Variants in KCNH4 observed in about 807,000 individuals in gnomAD.
KCNH4 encodes potassium voltage-gated channel subfamily H member 4, also known as voltage-gated delayed rectifier potassium channel KCNH4.
In KCNH4, 33 loss-of-function variants were observed where a neutral mutation model predicts 90.7. The ratio of observed to expected loss-of-function variants is 0.36; its 90% CI spans 0.28 to 0.49. KCNH4 has a LOEUF of 0.49. Among genes scored for constraint, KCNH4 ranks in the 20% least tolerant of loss-of-function variants. The pLI, the probability that KCNH4 is intolerant of heterozygous loss-of-function variation, is 0.98. For missense variants in KCNH4, 1,044 were observed against 1,387.1 expected, an observed-to-expected ratio of 0.75 and a Z score of 3.93; for synonymous variants, 551 against 581.7, an observed-to-expected ratio of 0.95 and a Z score of 0.76.
chr17:42,166,458 G>A lies in KCNH4; in HGVS notation c.1679C>T (p.Ala560Val), dbSNP rs755682232. The A allele has an allele frequency of 3.3e-5, 53 of 1,614,096 alleles. 1 individual carries two copies. The East Asian group carries it at 8.9e-4, about 27-fold the overall frequency. Reference protein sequence around the residue: ...EILQLPLFGAASRGCLRALSL... With the variant: ...EILQLPLFGAVSRGCLRALSL... Reference sequence around the variant, plus strand: ...TAGGGCCCGCAGGCAGCCCCTGCTCGCTGCCCCGAACAACGGCAGCTGCAG... The same window carrying A: ...TAGGGCCCGCAGGCAGCCCCTGCTCACTGCCCCGAACAACGGCAGCTGCAG... The change falls in exon 10 of 17, where the codon GCG becomes GTG. Residue 560 changes from alanine to valine, a missense_variant. Transcript: ENST00000264661.
chr17:42,173,624 C>T (rs2079842116), intron 6 of KCNH4, among the ~76,000 whole-genome samples: 2 of 151,612 alleles, frequency 1.3e-5, no homozygotes, highest in Non-Finnish European at 2.9e-5. Flanking sequence ...CACTCAGGGG[C>T]CCTGGTTACC....
Position 42,163,990 on chromosome 17 carries a change from GA to G in KCNH4, c.2125-33del. Reference sequence around the variant, plus strand: ...GCAGAGGGGGCAGCTGATGTCGCAGGACAGTGAACAACAGACCCCTTCATTA... The same window carrying G: ...GCAGAGGGGGCAGCTGATGTCGCAGGCAGTGAACAACAGACCCCTTCATTA... On this transcript the variant is annotated intron_variant, in intron 12 of 16. Transcript: ENST00000264661. The surrounding 1 kb of genome is among the most constrained non-coding windows in gnomAD (Gnocchi z 5.4). 1 of 1,508,640 alleles carries G rather than the reference GA, an allele frequency of 6.6e-7. No individual in the cohort carries two copies. Among genetic ancestry groups the G allele is most frequent in the Non-Finnish European group, 8.9e-7 (1 of 1,123,600 alleles). The allele number at this position is 1,508,640 out of a possible 1,614,324, so 93.5% of individuals were successfully genotyped here. A position where few individuals can be genotyped will look rare whatever the true frequency, so the allele number is the denominator to read the frequency against.
rs555089824 is a variant in KCNH4 at position 42,171,925 on chromosome 17, C to T, written c.1058G>A (p.Arg353Gln). ...RLLRLLQKLERYSQCSAVVLT... is the reference protein window; with the variant it reads ...RLLRLLQKLEQYSQCSAVVLT... ...CACCACAGCACTGCACTGAGAGTAC[C>T]GCTCCAGCTTCTGCAGCAGCCGCAG... The change falls in exon 7 of 17, where the codon CGG becomes CAG. Residue 353 changes from arginine (R) to glutamine (Q), a missense_variant. Transcript: ENST00000264661. 21 of 1,613,430 alleles carry T rather than the reference C, an allele frequency of 1.3e-5. 1 individual carries two copies. Among genetic ancestry groups the T allele is most frequent in the African/African-American group, 4.0e-5 (3 of 75,016 alleles).
intron 10 of KCNH4, among the ~76,000 whole-genome samples, 169 bp from the exon 11 acceptor site, chr17:42,165,862 G>A (rs1385409452): frequency 2.0e-5 from 3 of 152,200 alleles, no homozygotes; most frequent in Non-Finnish European, 4.4e-5. Context: ...AAAGGTCAGT[G>A]CAGAATGACT....
chr17:42,164,192 A>G, intron 11 of KCNH4, 24 bp from the exon 12 acceptor site: 1 of 1,531,316 alleles, frequency 6.5e-7, no homozygotes, highest in South Asian at 1.2e-5. Flanking sequence ...GGAGAGTTCA[A>G]GCTGATTCCT....
rs889295948 is a variant in KCNH4 at position 42,172,205 on chromosome 17, C to CT, written c.988-211dup. On this transcript the variant is annotated intron_variant, in intron 6 of 16. Transcript: ENST00000264661. ...AACAGTGGCTAACACTTTGTAATTA[C>CT]TTTTTTTTTTTTTTTTGAGGTAGAG... 5.2e-3 allele frequency among the ~76,000 whole-genome samples: 736 copies of CT among 142,354 alleles called. 5 individuals are homozygous for CT. The highest frequency in any genetic ancestry group is 0.043 in the South Asian group (192 of 4,430). 93.4% of individuals were successfully genotyped at this position (142,354 alleles called of 152,430 possible).
rs376352314 is a variant in KCNH4, at chr17:42,160,065, T to C, written c.3029A>G (p.Gln1010Arg). The C allele has an allele frequency of 1.3e-6, 2 of 1,545,362 alleles. No individual in the cohort carries two copies. The highest frequency in any genetic ancestry group is 8.7e-7 in the Non-Finnish European group (1 of 1,143,676). ...TCAGTGGAACGTGTCTGACCTGGAC[T>C]GGAAACTGTGCCTCAAGAGGCTTGG... ...PTPSLLRHSFQSRSDTFH is the reference protein window; with the variant it reads ...PTPSLLRHSFRSRSDTFH Residue 1010 changes from glutamine to arginine, a missense_variant, in exon 16 of 17, where the codon CAG (glutamine) becomes CGG (arginine). Gln to Arg is a conservative substitution (Grantham distance 43). Transcript: ENST00000264661.
rs2079895336 is a variant in KCNH4, at chr17:42,180,700, G to T, written c.76+170C>A. ...CTCGGCCCTTTCCCCTCCTCCCCTC[G>T]CAGGGCACTCCCCGCCCTGTTCCTG... On this transcript the variant is annotated intron_variant, in intron 1 of 16. Coordinates refer to ENST00000264661, the MANE Select transcript of KCNH4 (RefSeq NM_012285.3). The surrounding 1 kb of genome is among the most constrained non-coding windows in gnomAD (Gnocchi z 4.7). Among the ~76,000 whole-genome samples the T allele has an allele frequency of 7.0e-6, 1 of 142,274 alleles. No homozygotes were observed. Among genetic ancestry groups the T allele is most frequent in the Non-Finnish European group, 1.5e-5 (1 of 64,708 alleles). 93.3% of individuals were successfully genotyped at this position (142,274 alleles called of 152,430 possible).
At chr17:42,179,108 G>A (rs1175159229) in intron 1 of KCNH4, 82 bp from the exon 2 acceptor site, 2 of 991,884 alleles carry the variant, frequency 2.0e-6, no homozygotes, top group Non-Finnish European at 3.1e-6. Context: ...TCTAAGTTGG[G>A]GTTAGAAGTC....
chr17:42,176,285 G>T lies in KCNH4; in HGVS notation c.598C>A (p.Pro200Thr), dbSNP rs1212079564. 1.2e-6 allele frequency: 2 copies of T among 1,612,768 alleles called. No homozygotes were observed. Among genetic ancestry groups the T allele is most frequent in the Non-Finnish European group, 1.7e-6 (2 of 1,179,782 alleles). The change falls in exon 5 of 17, where the codon CCA becomes ACA. Residue 200 changes from proline to threonine, a missense_variant. By Grantham distance (38) the Pro-to-Thr change is conservative (BLOSUM62 -1). Transcript: ENST00000264661. ...TTGTACTCGGGCACTGATGGCTTTGGCTCAAACACGTTCTAAGGGGAGAGG... is the reference window on the plus strand; with the variant it reads ...TTGTACTCGGGCACTGATGGCTTTGTCTCAAACACGTTCTAAGGGGAGAGG... ...GMKANNNVFE[P>T]KPSVPEYKVA...
At chr17:42,157,605 T>G (rs953876958) in intron 16 of KCNH4, among the ~76,000 whole-genome samples, 3 of 151,876 alleles carry the variant, frequency 2.0e-5, no homozygotes, top group Non-Finnish European at 4.4e-5. Flanking sequence ...TGTCCTGAGG[T>G]TTTTTTTGTT....
Position 42,163,860 on chromosome 17 carries a change from T to G in KCNH4, c.2223A>C (p.Arg741=). ...GAEPGGGPRP[R]RPLLLPNLSP... is the part of the protein sequence containing the mutation. ...TGAGGTTGGGCAGCAGGAGGGGCCGTCGGGGCCTGGGACCACCCCCAGGCT... is the reference window on the plus strand; with the variant it reads ...TGAGGTTGGGCAGCAGGAGGGGCCGGCGGGGCCTGGGACCACCCCCAGGCT... The change falls in exon 13 of 17, where the codon CGA becomes CGC. Residue 741 remains arginine, a synonymous_variant. Transcript: ENST00000264661. The surrounding 1 kb of genome is among the most constrained non-coding windows in gnomAD (Gnocchi z 5.4). 6.6e-7 allele frequency: 1 copy of G among 1,513,212 alleles called. No homozygotes were observed. The allele number at this position is 1,513,212 out of a possible 1,614,324, so 93.7% of individuals were successfully genotyped here. A position where few individuals can be genotyped will look rare whatever the true frequency, so the allele number is the denominator to read the frequency against.
chr17:42,166,830 G>A (rs2079791504), intron 9 of KCNH4, among the ~76,000 whole-genome samples: 1 of 152,160 alleles, frequency 6.6e-6, no homozygotes, highest in Admixed American at 6.5e-5. Flanking sequence ...TCACTTGGGG[G>A]TCAGCCTTCA....
At position 42,171,826 on chromosome 17, in the gene KCNH4, C is replaced by T. The variant is rs147730487; in HGVS notation, c.1157G>A (p.Arg386Gln). 171 of 1,614,078 alleles carry T rather than the reference C, an allele frequency of 1.1e-4. No individual in the cohort carries two copies. In the African/African-American group the frequency reaches 1.5e-3, roughly 14 times the overall value. ...CAGCGGGTCATTGGCCTCCATCTCC[C>T]GGCGCCCGATGACATACCAGATGCA... Reference protein sequence around the residue: ...MACIWYVIGRREMEANDPLLW... With the variant: ...MACIWYVIGRQEMEANDPLLW... The change falls in exon 7 of 17, where the codon CGG (arginine) becomes CAG (glutamine). Residue 386 changes from arginine (R) to glutamine (Q), a missense_variant. Arg to Gln is a conservative substitution (Grantham distance 43). This residue lies in a region of KCNH4 where 318 missense variants were observed against 479.6 expected (regional missense o/e 0.66). Transcript: ENST00000264661.
chr17:42,169,898 C>T (rs2079815046), intron 8 of KCNH4, among the ~76,000 whole-genome samples: 2 of 152,206 alleles, frequency 1.3e-5, no homozygotes, highest in African/African-American at 4.8e-5. Context: ...CCTGGGTTTC[C>T]CATCCCCTTT....
At chr17:42,177,809 C>A (rs2079872676) in intron 4 of KCNH4, among the ~76,000 whole-genome samples, 1 of 152,206 alleles carries the variant, frequency 6.6e-6, no homozygotes, top group Non-Finnish European at 1.5e-5. Flanking sequence ...CATGGTATAA[C>A]CCTATCACCC....
At chr17:42,168,621 G>A (rs975653629) in intron 9 of KCNH4, among the ~76,000 whole-genome samples, 6 of 151,922 alleles carry the variant, frequency 3.9e-5, no homozygotes. Context: ...TCCAGCGTGG[G>A]CGACAGAGCA....
chr17:42,173,857 C>T (rs1327126551), intron 6 of KCNH4, among the ~76,000 whole-genome samples: 8 of 151,916 alleles, frequency 5.3e-5, no homozygotes, highest in East Asian at 1.9e-4. Context: ...CCTGCCACCA[C>T]GCCTGGCTAA....
At position 42,169,693 on chromosome 17, in the gene KCNH4, G is replaced by C; in HGVS notation, c.1391-17C>G. The C allele has an allele frequency of 6.2e-7, 1 of 1,610,000 alleles. No individual in the cohort carries two copies. The highest frequency in any genetic ancestry group is 1.7e-5 in the Admixed American group (1 of 59,970). ...GCATCAGGGCTGCAGCAGCAGCAGC[G>C]GGCCTGTCAGGGGCGGCCACCCCTC... On this transcript the variant is annotated splice_polypyrimidine_tract_variant and intron_variant, in intron 8 of 16. Transcript: ENST00000264661.
Sources: gnomAD v4.1 joint callset for allele counts (sites outside exome capture counted in the v4.1 genomes callset) on GRCh38, gnomAD v4.1.1 for gene constraint, gnomAD v4.1.1 regional missense constraint, Gnocchi (gnomAD v3.1) non-coding constraint, MANE v1.5 for transcripts, NCBI Gene and HGNC (gene_info 2026-07-23, HGNC 2026-07-21) for gene names.